The following TRPC4 variants were observed in gnomAD, a reference collection of about 807,000 sequenced individuals.
TRPC4 encodes the protein short transient receptor potential channel 4.
Under a neutral mutation model 99.4 loss-of-function variants are expected in TRPC4, and 49 were observed. That is an observed-to-expected ratio of 0.49 (90% CI 0.39 to 0.63). The LOEUF is 0.63. Ranked by LOEUF, TRPC4 falls within the 20% of genes least tolerant of loss-of-function variation. TRPC4 has a pLI of 0.00. For missense variants in TRPC4, 898 were observed against 1,152.9 expected (o/e 0.78, Z 3.20); for synonymous variants, 454 against 425.9 (o/e 1.07, Z -0.81).
chr13:37,700,291 A>G (rs1202015709), intron 3 of TRPC4, among the ~76,000 whole-genome samples: 1 of 152,202 alleles, frequency 6.6e-6, no homozygotes, highest in East Asian at 1.9e-4. Flanking sequence ...GTAGGTGAGT[A>G]ATAGATGAAA....
chr13:37,708,035 T>C (rs1954347684), intron 3 of TRPC4, among the ~76,000 whole-genome samples: 1 of 152,050 alleles, frequency 6.6e-6, no homozygotes, highest in Non-Finnish European at 1.5e-5. Context: ...GTCTTCCAGC[T>C]TCAACGCCAG....
rs778770597 is a variant in TRPC4 at position 37,663,567 on chromosome 13, G to A, written c.1537C>T (p.Leu513Phe). The change falls in exon 6 of 11, where the codon CTC (leucine) becomes TTC (phenylalanine). Residue 513 changes from leucine (L) to phenylalanine (F), a missense_variant. Physicochemically the swap from Leu to Phe is conservative, Grantham distance 22 (BLOSUM62 0). Coordinates refer to ENST00000379705, the MANE Select transcript of TRPC4 (RefSeq NM_016179.4). ...AATAGAAACTTCAAAATGTCCAGGA[G>A]CATTCTTCCCAGAGATATTTGCAGA... ...GPLQISLGRM[L>F]LDILKFLFIY... The A allele has an allele frequency of 6.2e-7, 1 of 1,614,194 alleles. No homozygotes were observed. The highest frequency in any genetic ancestry group is 8.5e-7 in the Non-Finnish European group (1 of 1,180,016).
At chr13:37,706,600 G>A (rs1265939855) in intron 3 of TRPC4, among the ~76,000 whole-genome samples, 1 of 151,834 alleles carries the variant, frequency 6.6e-6, no homozygotes, top group Non-Finnish European at 1.5e-5. Context: ...TTAGCATCAG[G>A]TATATCTCCT....
At chr13:37,781,026 C>T (rs192799958) in intron 2 of TRPC4, among the ~76,000 whole-genome samples, 3 of 151,988 alleles carry the variant, frequency 2.0e-5, no homozygotes, top group Non-Finnish European at 4.4e-5. Flanking sequence ...AGATCAAATG[C>T]CTATAAGGAG....
At chr13:37,693,098 T>C (rs1953775250) in intron 3 of TRPC4, among the ~76,000 whole-genome samples, 1 of 152,112 alleles carries the variant, frequency 6.6e-6, no homozygotes, top group Admixed American at 6.6e-5. Context: ...TCTATCAAAT[T>C]ATGAGATGTT....
intron 3 of TRPC4, among the ~76,000 whole-genome samples, chr13:37,731,206 C>T (rs969818637): frequency 6.6e-6 from 1 of 151,970 alleles, no homozygotes; most frequent in Non-Finnish European, 1.5e-5. Flanking sequence ...CTATTATTAG[C>T]ACTAATTTTA....
chr13:37,788,036 A>T (rs2139373216), intron 1 of TRPC4, among the ~76,000 whole-genome samples: 1 of 152,214 alleles, frequency 6.6e-6, no homozygotes, highest in African/African-American at 2.4e-5. Context: ...GAGAAAACAT[A>T]TCTTTTAGAA....
intron 1 of TRPC4, among the ~76,000 whole-genome samples, chr13:37,828,588 C>T (rs190185639): frequency 1.3e-5 from 2 of 152,212 alleles, no homozygotes; most frequent in Admixed American, 1.3e-4. Context: ...AACACAAATG[C>T]CCAATAATGA....
At position 37,834,233 on chromosome 13, in the gene TRPC4, C is replaced by T. The variant is rs1401593794; in HGVS notation, c.-28+35362G>A. Among the ~76,000 whole-genome samples the T allele has an allele frequency of 7.2e-5, 11 of 152,288 alleles. No homozygotes were observed. The South Asian group carries it at 1.9e-3, about 26-fold the overall frequency. On this transcript the variant is annotated intron_variant, in intron 1 of 10. Transcript: ENST00000379705. ...TTCAAGACTCTGAGTACAATATTGA[C>T]AAAACATTTAATTTTTTCACTCTTA... is the stretch of plus-strand genomic sequence containing the variant.
chr13:37,694,860 T>C lies in TRPC4; in HGVS notation c.898-2525A>G, dbSNP rs991767949. On this transcript the variant is annotated intron_variant, in intron 3 of 10. Coordinates refer to ENST00000379705, the MANE Select transcript of TRPC4 (RefSeq NM_016179.4). ...CTATGTATTTGATCCAATCATAGGA[T>C]TGAAATAACCCAAAAAGTATTCTGA... Among the ~76,000 whole-genome samples, 20 of 152,162 alleles carry C rather than the reference T, an allele frequency of 1.3e-4. 2 individuals carry two copies. The highest frequency in any genetic ancestry group is 1.2e-3 in the Admixed American group (19 of 15,278).
At chr13:37,776,305 A>T (rs923689860) in intron 2 of TRPC4, among the ~76,000 whole-genome samples, 1 of 151,928 alleles carries the variant, frequency 6.6e-6, no homozygotes, top group African/African-American at 2.4e-5. Flanking sequence ...AGAATAAGAA[A>T]ATAGTCTAAG....
At chr13:37,791,454 C>A (rs1399822269) in intron 1 of TRPC4, among the ~76,000 whole-genome samples, 2 of 147,784 alleles carry the variant, frequency 1.4e-5, no homozygotes, top group Non-Finnish European at 3.0e-5. Flanking sequence ...TTTAAATAGT[C>A]AAGAGATTTT....
At chr13:37,806,227 A>G (rs915210922) in intron 1 of TRPC4, among the ~76,000 whole-genome samples, 2 of 152,080 alleles carry the variant, frequency 1.3e-5, no homozygotes, top group Admixed American at 1.3e-4. Flanking sequence ...ATATAAGACT[A>G]TCAAACAATT....
chr13:37,697,268 T>G (rs919615837), intron 3 of TRPC4, among the ~76,000 whole-genome samples: 1 of 152,104 alleles, frequency 6.6e-6, no homozygotes. Context: ...TCAAAATACA[T>G]TGGGACTAAT....
rs1951430867 is a variant in TRPC4 at position 37,633,234 on chromosome 13, T to C, written c.*3669A>G. On this transcript the variant is annotated 3_prime_UTR_variant, in exon 11 of 11. Transcript: ENST00000379705. The stretch of plus-strand genomic sequence containing the variant: ...AGTAATATTAAATTTCTAAATTCTA[T>C]GGTTAGTTTTAAGTCAGAATTTCAG... Among the ~76,000 whole-genome samples, 1 of 152,164 alleles carries C rather than the reference T, an allele frequency of 6.6e-6. No homozygotes were observed. The highest frequency in any genetic ancestry group is 2.4e-5 in the African/African-American group (1 of 41,458).
intron 2 of TRPC4, 134 bp downstream of exon 2, chr13:37,782,822 A>G: frequency 1.2e-6 from 1 of 858,682 alleles, no homozygotes; most frequent in South Asian, 2.6e-5. Flanking sequence ...GTTATAATAT[A>G]GTTCAGATTT....
chr13:37,690,636 AC>A (rs1378239025), intron 4 of TRPC4, among the ~76,000 whole-genome samples: 1 of 152,126 alleles, frequency 6.6e-6, no homozygotes, highest in Non-Finnish European at 1.5e-5. Context: ...ATCACATTTT[AC>A]CCACTTTAGA....
At chr13:37,800,087 G>A (rs1171764249) in intron 1 of TRPC4, among the ~76,000 whole-genome samples, 2 of 152,088 alleles carry the variant, frequency 1.3e-5, no homozygotes, top group East Asian at 1.9e-4. Context: ...AGATATAAGC[G>A]CATATGAATA....
chr13:37,766,665 T>C (rs1956379431), intron 2 of TRPC4, among the ~76,000 whole-genome samples: 1 of 151,444 alleles, frequency 6.6e-6, no homozygotes, highest in African/African-American at 2.4e-5. Context: ...TATGATTGGC[T>C]AACAGTAGAC....
Sources: gnomAD v4.1 joint callset for allele counts (sites outside exome capture counted in the v4.1 genomes callset) on GRCh38, gnomAD v4.1.1 for gene constraint, MANE v1.5 for transcripts, NCBI Gene and HGNC (gene_info 2026-07-23, HGNC 2026-07-21) for gene names.